TANC1: variants seen among roughly 807,000 people sequenced by gnomAD.
TANC1 encodes tetratricopeptide repeat, ankyrin repeat and coiled-coil containing 1, also known as protein TANC1.
Under a neutral mutation model 149.7 loss-of-function variants are expected in TANC1, and 77 were observed. The ratio of observed to expected loss-of-function variants is 0.51; its 90% CI spans 0.43 to 0.62. The LOEUF (loss-of-function observed/expected upper bound fraction) is 0.62, where lower values mean the gene tolerates loss of function less well. Among genes scored for constraint, TANC1 ranks in the 20% least tolerant of loss-of-function variants. TANC1 has a pLI of 0.00. For missense variants in TANC1, 1,985 were observed against 2,321.8 expected (o/e 0.85, Z 2.98); for synonymous variants, 854 against 925.0 (o/e 0.92, Z 1.39).
chr2:158,981,513 ATAT>A (rs1267107630), intron 1 of TANC1, among the ~76,000 whole-genome samples: 1 of 115,012 alleles, frequency 8.7e-6, no homozygotes, highest in African/African-American at 3.1e-5. Flanking sequence ...ATATATATAT[ATAT>A]ATATATATAT....
At chr2:159,160,789 A>G (rs1014122202) in intron 7 of TANC1, among the ~76,000 whole-genome samples, 1 of 152,214 alleles carries the variant, frequency 6.6e-6, no homozygotes, top group Admixed American at 6.5e-5. Context: ...TGAGGGCAGC[A>G]GAAGGGCTGC....
At chr2:159,096,820 C>T (rs1180449108) in intron 3 of TANC1, among the ~76,000 whole-genome samples, 1 of 151,992 alleles carries the variant, frequency 6.6e-6, no homozygotes, top group Non-Finnish European at 1.5e-5. Context: ...TTAGGATTGG[C>T]GGGAAAGTTG....
At chr2:159,102,259 T>C (rs1315212309) in intron 4 of TANC1, among the ~76,000 whole-genome samples, 3 of 152,184 alleles carry the variant, frequency 2.0e-5, no homozygotes. Context: ...AACCCTCTTG[T>C]GTGCTGCTTG....
intron 7 of TANC1, among the ~76,000 whole-genome samples, chr2:159,162,186 C>A (rs1297938496): frequency 1.3e-5 from 2 of 152,308 alleles, no homozygotes; most frequent in African/African-American, 4.8e-5. Context: ...AAATAACTGA[C>A]CCTGAGCTAA....
At chr2:159,088,536 A>G (rs1274226145) in intron 3 of TANC1, among the ~76,000 whole-genome samples, 1 of 152,154 alleles carries the variant, frequency 6.6e-6, no homozygotes, top group African/African-American at 2.4e-5. Context: ...AATAGTCTAT[A>G]GTATAGATAT....
At chr2:159,035,614 G>A (rs895387251) in intron 2 of TANC1, among the ~76,000 whole-genome samples, 1 of 152,110 alleles carries the variant, frequency 6.6e-6, no homozygotes, top group African/African-American at 2.4e-5. Flanking sequence ...TGGTCTCATT[G>A]ACCTTCCTTT....
At chr2:159,012,452 G>C (rs575971674) in intron 2 of TANC1, among the ~76,000 whole-genome samples, 1 of 143,332 alleles carries the variant, frequency 7.0e-6, no homozygotes, top group South Asian at 2.2e-4. Context: ...TTTTTTTTTT[G>C]AGATGGTGGA....
At chr2:159,076,445 T>A (rs2043687073) in intron 3 of TANC1, among the ~76,000 whole-genome samples, 1 of 152,206 alleles carries the variant, frequency 6.6e-6, no homozygotes, top group Admixed American at 6.5e-5. Flanking sequence ...CCATCCACAG[T>A]ACTTGATAAC....
chr2:159,116,460 A>C (rs80220641), intron 4 of TANC1, among the ~76,000 whole-genome samples: 3,643 of 134,850 alleles, frequency 0.027, 127 homozygotes, highest in Admixed American at 0.1. Flanking sequence ...ACAACAAAAA[A>C]AAAAAAACAA....
At chr2:159,110,879 G>A (rs17207746) in intron 4 of TANC1, among the ~76,000 whole-genome samples, 27,266 of 152,136 alleles carry the variant, frequency 0.18, 2,541 homozygotes, top group Middle Eastern at 0.25. Context: ...GCAAGCATGT[G>A]TCGTCTTGAC....
Position 159,219,394 on chromosome 2 carries a change from G to C in TANC1, c.3502+33G>C, listed in dbSNP as rs200441798. ...CGTGATGCCCTCAAAGGTTTCTTTT[G>C]GACGGACACAGAGAGAACTTCAGCA... On this transcript the variant is annotated intron_variant, in intron 21 of 26. Coordinates refer to ENST00000263635, the MANE Select transcript of TANC1 (RefSeq NM_033394.3). 6.7e-5 allele frequency: 108 copies of C among 1,613,498 alleles called. 1 individual carries two copies. The East Asian group carries it at 2.3e-3, about 35-fold the overall frequency.
chr2:159,092,119 A>G (rs1559242709), intron 3 of TANC1, among the ~76,000 whole-genome samples: 1 of 152,206 alleles, frequency 6.6e-6, no homozygotes, highest in Non-Finnish European at 1.5e-5. Context: ...CTGGAGCTGG[A>G]TAAACAGAAC....
At chr2:159,015,807 AGT>A (rs2038213049) in intron 2 of TANC1, among the ~76,000 whole-genome samples, 2 of 152,212 alleles carry the variant, frequency 1.3e-5, no homozygotes, top group Non-Finnish European at 2.9e-5. Context: ...CCTTTGCTCC[AGT>A]TCCTGATGAG....
At chr2:158,977,873 A>T (rs1573921590) in intron 1 of TANC1, among the ~76,000 whole-genome samples, 3 of 152,112 alleles carry the variant, frequency 2.0e-5, no homozygotes, top group Admixed American at 2.0e-4. Context: ...CCCGTCCCTG[A>T]TACTTTGTTT....
intron 2 of TANC1, among the ~76,000 whole-genome samples, chr2:159,012,923 G>C (rs1383432467): frequency 1.3e-5 from 2 of 152,098 alleles, no homozygotes; most frequent in African/African-American, 4.8e-5. Context: ...TTCTCTTCTT[G>C]TTGGTAGTTT....
At chr2:159,056,279 T>A (rs2041844312) in intron 2 of TANC1, 1 of 223,686 alleles carries the variant, frequency 4.5e-6, no homozygotes, top group South Asian at 7.7e-5. Context: ...TTCCAAGTAC[T>A]GAGGTTTCAG....
intron 3 of TANC1, among the ~76,000 whole-genome samples, chr2:159,091,954 G>A (rs191625811): frequency 4.7e-5 from 6 of 126,506 alleles, no homozygotes; most frequent in Admixed American, 4.7e-4. Context: ...TCAGTTTTCT[G>A]TAAATATAGG....
intron 1 of TANC1, among the ~76,000 whole-genome samples, chr2:158,974,698 G>T (rs1057101130): frequency 1.3e-5 from 2 of 152,130 alleles, no homozygotes; most frequent in African/African-American, 2.4e-5. Context: ...CTCCCAAAGT[G>T]CTGGGATTAC....
intron 2 of TANC1, chr2:159,004,124 A>T (rs895936385): frequency 1.6e-4 from 255 of 1,612,086 alleles, no homozygotes; most frequent in Non-Finnish European, 2.1e-4. Flanking sequence ...AAGCCAAACC[A>T]ATCACAGAAA....
Sources: allele counts gnomAD v4.1 joint callset (sites outside exome capture counted in the v4.1 genomes callset), GRCh38; gene constraint gnomAD v4.1.1; transcripts MANE v1.5; gene names NCBI Gene and HGNC (gene_info 2026-07-23, HGNC 2026-07-21).